The following SNX24 variants were observed in gnomAD, a reference collection of about 807,000 sequenced individuals.
SNX24 encodes the protein sorting nexin 24.
In SNX24, 22 loss-of-function variants were observed where a neutral mutation model predicts 28.7. That is an observed-to-expected ratio of 0.77 (90% CI 0.55 to 1.10). The LOEUF is 1.10. Among genes scored for constraint, SNX24 ranks in the 50% least tolerant of loss-of-function variants. The pLI is 0.00. For synonymous variants in SNX24, 69 were observed against 71.5 expected (o/e 0.96, Z 0.18); for missense variants, 221 against 201.1 (o/e 1.10, Z -0.60).
chr5:123,027,202 A>C (rs2150188931), intron 5 of SNX24, among the ~76,000 whole-genome samples: 1 of 152,184 alleles, frequency 6.6e-6, no homozygotes, highest in Non-Finnish European at 1.5e-5. Context: ...TCAAAAGAAA[A>C]AAAAAGCCCA....
chr5:122,945,556 G>A (rs891540172), intron 2 of SNX24, among the ~76,000 whole-genome samples: 1 of 152,114 alleles, frequency 6.6e-6, no homozygotes, highest in Non-Finnish European at 1.5e-5. Context: ...AAAAGATTAG[G>A]CCTTTATGTT....
intron 3 of SNX24, among the ~76,000 whole-genome samples, chr5:122,969,623 T>C (rs1293656094): frequency 6.6e-6 from 1 of 152,138 alleles, no homozygotes; most frequent in African/African-American, 2.4e-5. Flanking sequence ...TCTTTTTTTA[T>C]CTCTCATACA....
At chr5:122,898,664 A>G (rs534919018) in intron 1 of SNX24, among the ~76,000 whole-genome samples, 1 of 152,332 alleles carries the variant, frequency 6.6e-6, no homozygotes, top group South Asian at 2.1e-4. Context: ...AAAAAAAGAA[A>G]ATGAAATCAA....
intron 1 of SNX24, among the ~76,000 whole-genome samples, chr5:122,918,876 T>C (rs1250572007): frequency 2.0e-5 from 3 of 152,090 alleles, no homozygotes; most frequent in African/African-American, 7.3e-5. Context: ...AAAACGTGAT[T>C]TAAGAGGGGG....
At chr5:122,885,422 C>T (rs955525660) in intron 1 of SNX24, among the ~76,000 whole-genome samples, 23 of 152,304 alleles carry the variant, frequency 1.5e-4, no homozygotes, top group Middle Eastern at 6.8e-3. Context: ...GAATCCCTGG[C>T]AGCCCCTCCT....
rs1229842508 is a variant in SNX24, at chr5:122,911,601, A to G, written c.61-25133A>G. Among the ~76,000 whole-genome samples, 7 of 149,106 alleles carry G rather than the reference A, an allele frequency of 4.7e-5. No homozygotes were observed. In the East Asian group the frequency reaches 1.4e-3, roughly 29 times the overall value. The stretch of plus-strand genomic sequence containing the variant: ...TTTCTTCTAGGGTTTTTATGGTTTT[A>G]GGTCTAACGTTTAAGTCTTTAATCC... On this transcript the variant is annotated intron_variant, in intron 1 of 6. Transcript: ENST00000261369.
Position 123,007,727 on chromosome 5 carries a change from A to C in SNX24, c.488A>C (p.Tyr163Ser). The change falls in exon 7 of 7, where the codon TAC becomes TCC. Residue 163 changes from tyrosine to serine, a missense_variant. By Grantham distance (144) the Tyr-to-Ser change is moderately radical (BLOSUM62 -2). Coordinates refer to ENST00000261369, the MANE Select transcript of SNX24 (RefSeq NM_014035.4). ...GAAGGAGTCCTCCATGGGATATTTT[A>C]CCCTCATCTACAGCCCAGGTAGAAA... ...VIEGVLHGIFYPHLQPR is the reference protein window; with the variant it reads ...VIEGVLHGIFSPHLQPR 1 of 1,588,988 alleles carries C rather than the reference A, an allele frequency of 6.3e-7. No homozygotes were observed. Among genetic ancestry groups the C allele is most frequent in the Non-Finnish European group, 8.5e-7 (1 of 1,173,728 alleles).
In SNX24 at chr5:122,946,131, G is replaced by T; in HGVS notation, c.221G>T (p.Arg74Leu). The T allele has an allele frequency of 6.2e-7, 1 of 1,608,586 alleles. No individual in the cohort carries two copies. The highest frequency in any genetic ancestry group is 8.5e-7 in the Non-Finnish European group (1 of 1,175,744). The change falls in exon 3 of 7, where the codon CGA (arginine) becomes CTA (leucine). Residue 74 changes from arginine to leucine, a missense_variant. Arg to Leu is a moderately radical substitution (Grantham distance 102). Coordinates refer to ENST00000261369, the MANE Select transcript of SNX24 (RefSeq NM_014035.4). Reference sequence around the variant, plus strand: ...TGGGTCCCCAAAGTCTTGGAACAGCGACGACAAGGCTTGGAAACATACTTA... The same window carrying T: ...TGGGTCCCCAAAGTCTTGGAACAGCTACGACAAGGCTTGGAAACATACTTA... ...RNWVPKVLEQ[R>L]RQGLETYLQA...
At chr5:122,861,306 C>T (rs1755450482) in intron 1 of SNX24, among the ~76,000 whole-genome samples, 1 of 152,182 alleles carries the variant, frequency 6.6e-6, no homozygotes. Context: ...TGCCACTGTA[C>T]TTCAGCCTGG....
At chr5:122,888,108 C>T (rs1348072302) in intron 1 of SNX24, among the ~76,000 whole-genome samples, 1 of 152,124 alleles carries the variant, frequency 6.6e-6, no homozygotes, top group Non-Finnish European at 1.5e-5. Context: ...GGGTGTTTTT[C>T]CTTTCCTTAT....
chr5:122,879,313 CA>C, intron 1 of SNX24, among the ~76,000 whole-genome samples: 1 of 152,302 alleles, frequency 6.6e-6, no homozygotes, highest in East Asian at 1.9e-4. Context: ...CAACTTTCAG[CA>C]AAACATGTAG....
At chr5:123,007,614 T>G in intron 6 of SNX24, 68 bp from the exon 7 acceptor site, 3 of 1,350,624 alleles carry the variant, frequency 2.2e-6, no homozygotes, top group African/African-American at 1.5e-5. Flanking sequence ...CAGAATGCAA[T>G]TATATTTTGT....
chr5:122,916,204 A>G (rs185616484), intron 1 of SNX24, among the ~76,000 whole-genome samples: 2 of 152,248 alleles, frequency 1.3e-5, no homozygotes, highest in African/African-American at 4.8e-5. Flanking sequence ...TTTCCACTGT[A>G]TCTGGTTTTT....
At position 123,008,195 on chromosome 5, in the gene SNX24, A is replaced by G. The variant is rs13175956; in HGVS notation, c.*446A>G. On this transcript the variant is annotated 3_prime_UTR_variant, in exon 7 of 7. Coordinates refer to ENST00000261369, the MANE Select transcript of SNX24 (RefSeq NM_014035.4). The stretch of plus-strand genomic sequence containing the variant: ...TTCTCACCGTGAGATTTTCTCAGCC[A>G]GTGATAGTACATTCTGAAATGCTGG... 0.038 allele frequency: 37,999 copies of G among 987,070 alleles called. 788 individuals carry two copies. Among genetic ancestry groups the G allele is most frequent in the Non-Finnish European group, 0.042 (34,833 of 831,138 alleles). 61.1% of individuals were successfully genotyped at this position (987,070 alleles called of 1,614,324 possible).
chr5:122,881,523 G>A (rs915955211), intron 1 of SNX24, among the ~76,000 whole-genome samples: 3 of 152,116 alleles, frequency 2.0e-5, no homozygotes, highest in African/African-American at 4.8e-5. Flanking sequence ...GAGAAGCTCA[G>A]GATCTCAGGC....
At chr5:122,887,326 G>A (rs1756763736) in intron 1 of SNX24, among the ~76,000 whole-genome samples, 1 of 152,164 alleles carries the variant, frequency 6.6e-6, no homozygotes, top group African/African-American at 2.4e-5. Context: ...TTATCTGTGA[G>A]TAATCTGATT....
chr5:123,003,193 G>A (rs1292649090), intron 6 of SNX24, among the ~76,000 whole-genome samples: 1 of 152,154 alleles, frequency 6.6e-6, no homozygotes, highest in Admixed American at 6.5e-5. Context: ...TTTGAAGAAG[G>A]GTGGCCAGGA....
rs140715971 is a variant in SNX24, at chr5:122,855,108, G to T, written c.60+9415G>T. 4.9e-3 allele frequency among the ~76,000 whole-genome samples: 746 copies of T among 150,932 alleles called. 9 individuals are homozygous for T. Among genetic ancestry groups the T allele is most frequent in the African/African-American group, 0.017 (706 of 41,014 alleles). ...TTTTTTTGAGGCAGAGTCTCGCTCT[G>T]TTGCTCAGGCTGGAGTGCAGTGGTG... On this transcript the variant is annotated intron_variant, in intron 1 of 6. Coordinates refer to ENST00000261369, the MANE Select transcript of SNX24 (RefSeq NM_014035.4).
intron 3 of SNX24, among the ~76,000 whole-genome samples, chr5:122,964,964 T>G (rs1561666337): frequency 6.6e-6 from 1 of 152,174 alleles, no homozygotes; most frequent in Non-Finnish European, 1.5e-5. Flanking sequence ...TCTCCTAGAA[T>G]TTTTTTCTTG....
Sources: allele counts gnomAD v4.1 joint callset (sites outside exome capture counted in the v4.1 genomes callset), GRCh38; gene constraint gnomAD v4.1.1; transcripts MANE v1.5; gene names NCBI Gene and HGNC (gene_info 2026-07-23, HGNC 2026-07-21).